The following FLT1 variants were observed in gnomAD, a reference collection of about 807,000 sequenced individuals.
FLT1 encodes the protein fms related receptor tyrosine kinase 1, also known as vascular endothelial growth factor receptor 1.
In FLT1, 49 loss-of-function variants were observed where a neutral mutation model predicts 156.3. The ratio of observed to expected loss-of-function variants is 0.31; its 90% confidence interval spans 0.25 to 0.40. The LOEUF (loss-of-function observed/expected upper bound fraction) is 0.40. Ranked by LOEUF, FLT1 falls within the 10% of genes least tolerant of loss-of-function variation. The pLI, the probability that FLT1 is intolerant of heterozygous loss-of-function variation, is 1.00. For synonymous variants in FLT1, 594 were observed against 583.8 expected (o/e 1.02, Z -0.25); for missense variants, 1,322 against 1,637.2 (o/e 0.81, Z 3.32).
intron 12 of FLT1, among the ~76,000 whole-genome samples, chr13:28,393,087 T>A (rs1224220028): frequency 6.6e-6 from 1 of 152,134 alleles, no homozygotes; most frequent in Non-Finnish European, 1.5e-5. Flanking sequence ...CTTCCCACAC[T>A]TAAGTATCTG....
At chr13:28,477,797 C>T (rs186812926) in intron 1 of FLT1, among the ~76,000 whole-genome samples, 3 of 152,142 alleles carry the variant, frequency 2.0e-5, no homozygotes, top group Admixed American at 6.5e-5. Context: ...TCTGACGTCA[C>T]GTCTTATAGA....
chr13:28,492,993 A>C (rs1229515843), intron 1 of FLT1, among the ~76,000 whole-genome samples: 3 of 152,216 alleles, frequency 2.0e-5, no homozygotes, highest in Non-Finnish European at 4.4e-5. Context: ...GCCCCATTTA[A>C]GTAAATTATA....
At chr13:28,323,898 CA>C (rs1871575590) in intron 20 of FLT1, among the ~76,000 whole-genome samples, 1 of 152,080 alleles carries the variant, frequency 6.6e-6, no homozygotes, top group African/African-American at 2.4e-5. Context: ...TTTTCTCTTC[CA>C]TTTAAACAAA....
chr13:28,453,411 C>T (rs1261558458), intron 3 of FLT1, among the ~76,000 whole-genome samples: 1 of 152,086 alleles, frequency 6.6e-6, no homozygotes, highest in Non-Finnish European at 1.5e-5. Context: ...GCGTAAGCCA[C>T]CACGCCTGGC....
At chr13:28,386,104 C>T in intron 13 of FLT1, 1 of 1,053,840 alleles carries the variant, frequency 9.5e-7, no homozygotes, top group Non-Finnish European at 1.1e-6. Flanking sequence ...GCTTTCTCTG[C>T]CCATTTTCGA....
At chr13:28,381,039 G>A (rs1276133096) in intron 14 of FLT1, among the ~76,000 whole-genome samples, 1 of 151,996 alleles carries the variant, frequency 6.6e-6, no homozygotes, top group Non-Finnish European at 1.5e-5. Flanking sequence ...CTCTTTTTTT[G>A]CATGTGGTAG....
intron 14 of FLT1, among the ~76,000 whole-genome samples, chr13:28,360,096 C>T (rs1028561560): frequency 4.6e-5 from 7 of 151,982 alleles, no homozygotes; most frequent in East Asian, 1.9e-4. Context: ...GGTGACAGAG[C>T]GAGACTTTGT....
At chr13:28,388,043 G>A (rs181181788) in intron 13 of FLT1, 1 of 1,058,836 alleles carries the variant, frequency 9.4e-7, no homozygotes, top group East Asian at 5.2e-5. Context: ...CTTTTTTAAT[G>A]TTAGCAACTA....
At chr13:28,384,459 A>G (rs1212765105) in intron 14 of FLT1, among the ~76,000 whole-genome samples, 1 of 151,714 alleles carries the variant, frequency 6.6e-6, no homozygotes, top group African/African-American at 2.4e-5. Context: ...AAAAAAAAAA[A>G]AAAAAAAAAG....
intron 4 of FLT1, among the ~76,000 whole-genome samples, chr13:28,436,143 G>A (rs564929854): frequency 6.6e-6 from 1 of 152,298 alleles, no homozygotes; most frequent in African/African-American, 2.4e-5. Flanking sequence ...TAGCTGACAA[G>A]ATCTAAAGCA....
At chr13:28,482,678 C>A (rs917097033) in intron 1 of FLT1, among the ~76,000 whole-genome samples, 2 of 152,056 alleles carry the variant, frequency 1.3e-5, no homozygotes, top group Non-Finnish European at 2.9e-5. Flanking sequence ...TAAGAAATAA[C>A]AACAACCAAG....
chr13:28,483,056 T>C (rs903349749), intron 1 of FLT1, among the ~76,000 whole-genome samples: 1 of 152,182 alleles, frequency 6.6e-6, no homozygotes, highest in Non-Finnish European at 1.5e-5. Context: ...CACATATATT[T>C]TTCTCTAGTT....
At chr13:28,368,808 G>C (rs1326317323) in intron 14 of FLT1, 4 of 561,642 alleles carry the variant, frequency 7.1e-6, no homozygotes, top group Non-Finnish European at 1.3e-5. Context: ...GGGTTCAAGC[G>C]ATTCTTCTGC....
At chr13:28,379,580 C>T (rs186961751) in intron 14 of FLT1, among the ~76,000 whole-genome samples, 4 of 152,254 alleles carry the variant, frequency 2.6e-5, no homozygotes, top group South Asian at 4.1e-4. Context: ...GTTGGGCACG[C>T]GCAGCAGACA....
At chr13:28,391,840 C>T (rs1329766685) in intron 12 of FLT1, among the ~76,000 whole-genome samples, 1 of 152,174 alleles carries the variant, frequency 6.6e-6, no homozygotes, top group Non-Finnish European at 1.5e-5. Context: ...GGCCCAGTCT[C>T]ACGGGAGGAT....
intron 14 of FLT1, among the ~76,000 whole-genome samples, chr13:28,381,514 A>G (rs149071121): frequency 0.015 from 2,349 of 152,290 alleles, 62 homozygotes; most frequent in African/African-American, 0.054. Context: ...AGCCAAGATC[A>G]TGCCACTGCA....
intron 3 of FLT1, among the ~76,000 whole-genome samples, chr13:28,453,903 T>G (rs1049027517): frequency 1.3e-5 from 2 of 152,030 alleles, no homozygotes. Context: ...TTGTGAGAGG[T>G]GAGTCCTGTG....
chr13:28,344,958 T>C (rs557878108), intron 16 of FLT1, among the ~76,000 whole-genome samples: 1 of 151,946 alleles, frequency 6.6e-6, no homozygotes, highest in East Asian at 1.9e-4. Flanking sequence ...TGCACCACCA[T>C]ACCTGCCTAA....
chr13:28,467,474 C>A (rs1275343888), intron 2 of FLT1, 47 bp downstream of exon 2: 5 of 1,273,040 alleles, frequency 3.9e-6, no homozygotes, highest in Non-Finnish European at 5.7e-6. Context: ...ATGATTTTGC[C>A]TTAGGCATGG....
Sources: gnomAD v4.1 joint callset for allele counts (sites outside exome capture counted in the v4.1 genomes callset) on GRCh38, gnomAD v4.1.1 for gene constraint, MANE v1.5 for transcripts, NCBI Gene and HGNC (gene_info 2026-07-23, HGNC 2026-07-21) for gene names.